Variants in IRAG1 observed in about 807,000 individuals in gnomAD.
IRAG1 encodes IP3R-associated cGMP kinase substrate.
Under a neutral mutation model 106.2 loss-of-function variants are expected in IRAG1, and 62 were observed. That is an observed-to-expected ratio of 0.58 (90% confidence interval 0.48 to 0.72). The LOEUF is 0.72. Ranked by LOEUF, IRAG1 falls within the 30% of genes least tolerant of loss-of-function variation. The pLI is 0.00. For missense variants in IRAG1, 1,064 were observed against 1,140.7 expected, an observed-to-expected ratio of 0.93 and a Z score of 0.97; for synonymous variants, 462 against 443.9, an observed-to-expected ratio of 1.04 and a Z score of -0.51.
chr11:10,602,312 CATA>C (rs1854099876), intron 14 of IRAG1, among the ~76,000 whole-genome samples: 1 of 152,238 alleles, frequency 6.6e-6, no homozygotes, highest in Admixed American at 6.5e-5. Context: ...GTCATAGCAA[CATA>C]ATAACAACAT....
intron 12 of IRAG1, among the ~76,000 whole-genome samples, 172 bp from the exon 13 acceptor site, chr11:10,604,717 A>G (rs1402240848): frequency 6.6e-6 from 1 of 152,254 alleles, no homozygotes; most frequent in Non-Finnish European, 1.5e-5. Flanking sequence ...CACAAAAAAG[A>G]TGGTAAAGCA....
At chr11:10,676,857 G>A (rs78895861) in intron 1 of IRAG1, among the ~76,000 whole-genome samples, 3,943 of 152,350 alleles carry the variant, frequency 0.026, 195 homozygotes, top group African/African-American at 0.09. Context: ...TATGTTTGGA[G>A]GTTCACCCTT....
At position 10,630,258 on chromosome 11, in the gene IRAG1, T is replaced by C. The variant is rs188170825; in HGVS notation, c.401-547A>G. ...GATCACAGGAGTCACTCCCCACTTC[T>C]CCCTCTTCCTCCCTCCCCCAACATC... On this transcript the variant is annotated intron_variant, in intron 4 of 20. Coordinates refer to ENST00000423302, the MANE Select transcript of IRAG1 (RefSeq NM_130385.4). 3.0e-3 allele frequency among the ~76,000 whole-genome samples: 463 copies of C among 151,948 alleles called. 3 individuals carry two copies. The highest frequency in any genetic ancestry group is 0.01 in the African/African-American group (420 of 41,402).
rs1564914109 is a variant in IRAG1, at chr11:10,626,005, C to T, written c.1329G>A (p.Val443=). 2 of 1,505,146 alleles carry T rather than the reference C, an allele frequency of 1.3e-6. No individual in the cohort carries two copies. The highest frequency in any genetic ancestry group is 8.9e-7 in the Non-Finnish European group (1 of 1,127,162). 93.2% of individuals were successfully genotyped at this position (1,505,146 alleles called of 1,614,324 possible). ...APGLKDFQIQ[V]QPVRMQKLTK... The stretch of plus-strand genomic sequence containing the variant: ...TCAGTTTCTGCATCCGCACGGGCTG[C>T]ACTTGTATCTGAAAGTCTTTGAGAC... Residue 443 remains valine (V), a synonymous_variant, in exon 9 of 21, where the codon GTG becomes GTA. Coordinates refer to ENST00000423302, the MANE Select transcript of IRAG1 (RefSeq NM_130385.4).
At position 10,594,172 on chromosome 11, in the gene IRAG1, G is replaced by C. The variant is rs376790854; in HGVS notation, c.2041C>G (p.Arg681Gly). Residue 681 changes from arginine to glycine, a missense_variant, in exon 16 of 21, where the codon CGG (arginine) becomes GGG (glycine). Coordinates refer to ENST00000423302, the MANE Select transcript of IRAG1 (RefSeq NM_130385.4). Reference protein sequence around the residue: ...PSEDGVPRTARSMSLTLGKNM... With the variant: ...PSEDGVPRTAGSMSLTLGKNM... ...TTTCCCAGCGTGAGGGACATGGACCGTGCCGTGCGAGGGACCCCATCTTCT... is the reference window on the plus strand; with the variant it reads ...TTTCCCAGCGTGAGGGACATGGACCCTGCCGTGCGAGGGACCCCATCTTCT... 3 of 1,610,070 alleles carry C rather than the reference G, an allele frequency of 1.9e-6. No individual in the cohort carries two copies. Among genetic ancestry groups the C allele is most frequent in the Admixed American group, 3.4e-5 (2 of 59,514 alleles).
chr11:10,596,897 C>T lies in IRAG1; in HGVS notation c.2018-2702G>A, dbSNP rs534422418. ...AGGAAGATGTGATTTGCTTATGCTA[C>T]ATGCTCATTTACTTCCAAGTCTGCA... On this transcript the variant is annotated intron_variant, in intron 15 of 20. Transcript: ENST00000423302. 1.1e-4 allele frequency among the ~76,000 whole-genome samples: 16 copies of T among 152,342 alleles called. No individual in the cohort carries two copies. In the Middle Eastern group the frequency reaches 0.01, roughly 97 times the overall value.
chr11:10,641,091 C>T (rs1036373798), intron 2 of IRAG1, among the ~76,000 whole-genome samples: 3 of 152,124 alleles, frequency 2.0e-5, no homozygotes, highest in Non-Finnish European at 4.4e-5. Flanking sequence ...CCAGGCTGGT[C>T]TCAAATTTCT....
intron 17 of IRAG1, among the ~76,000 whole-genome samples, chr11:10,592,866 C>T (rs974913449): frequency 2.0e-5 from 3 of 152,174 alleles, no homozygotes; most frequent in African/African-American, 7.2e-5. Flanking sequence ...CACAGAAACA[C>T]ACTCTTTTAA....
At chr11:10,606,239 C>T (rs1456361540) in intron 12 of IRAG1, among the ~76,000 whole-genome samples, 2 of 152,154 alleles carry the variant, frequency 1.3e-5, no homozygotes, top group African/African-American at 2.4e-5. Flanking sequence ...CTCACAACCC[C>T]GCTGGGACAA....
chr11:10,584,626 A>G (rs1329882732), intron 18 of IRAG1, among the ~76,000 whole-genome samples: 1 of 143,784 alleles, frequency 7.0e-6, no homozygotes, highest in East Asian at 2.0e-4. Flanking sequence ...TTTATATACA[A>G]CTGTCAGCCT....
intron 10 of IRAG1, among the ~76,000 whole-genome samples, chr11:10,618,651 G>A (rs1265191674): frequency 2.0e-5 from 3 of 152,184 alleles, no homozygotes. Context: ...AGATTGAGTT[G>A]GGAGTTCATT....
At chr11:10,676,127 A>T (rs1860637663) in intron 1 of IRAG1, among the ~76,000 whole-genome samples, 1 of 152,234 alleles carries the variant, frequency 6.6e-6, no homozygotes, top group African/African-American at 2.4e-5. Flanking sequence ...CTTAGCTGTG[A>T]TGCTCGTACT....
intron 10 of IRAG1, among the ~76,000 whole-genome samples, chr11:10,611,094 C>G (rs1854920088): frequency 6.6e-6 from 1 of 152,128 alleles, no homozygotes; most frequent in Admixed American, 6.6e-5. Context: ...TCTAGTTTGG[C>G]TCAAGGTAAA....
At chr11:10,591,465 GA>G (rs1197932012) in intron 18 of IRAG1, 82 bp downstream of exon 18, 1 of 1,223,548 alleles carries the variant, frequency 8.2e-7, no homozygotes, top group African/African-American at 1.5e-5. Context: ...GCATTTTGGG[GA>G]TAAAAATGGG....
rs373962690 is a variant in IRAG1 at position 10,603,148 on chromosome 11, C to A, written c.1847G>T (p.Arg616Leu). 1.2e-6 allele frequency: 2 copies of A among 1,611,112 alleles called. No homozygotes were observed. The highest frequency in any genetic ancestry group is 1.7e-6 in the Non-Finnish European group (2 of 1,178,934). ...GCGGACGGCGCCTACCACCTCAGCT[C>A]GGCTGGAGAGGCGGGCAGCCAGGCG... The part of the protein sequence containing the change: ...LHRLAARLSS[R>L]AEVVGAVRQE... The change falls in exon 14 of 21, where the codon CGA (arginine) becomes CTA (leucine). Residue 616 changes from arginine to leucine, a missense_variant. By Grantham distance (102) the Arg-to-Leu change is moderately radical (BLOSUM62 -2). Coordinates refer to ENST00000423302, the MANE Select transcript of IRAG1 (RefSeq NM_130385.4).
intron 18 of IRAG1, among the ~76,000 whole-genome samples, chr11:10,583,813 T>C (rs1364739): frequency 0.092 from 13,929 of 152,172 alleles, 801 homozygotes; most frequent in Admixed American, 0.14. Context: ...GATGAAGTTG[T>C]TGGGCTGGAG....
At chr11:10,616,849 C>T (rs931387268) in intron 10 of IRAG1, among the ~76,000 whole-genome samples, 1 of 152,084 alleles carries the variant, frequency 6.6e-6, no homozygotes, top group African/African-American at 2.4e-5. Flanking sequence ...TGAACATAAG[C>T]CACTTTCAAC....
In IRAG1 at chr11:10,647,602, A is replaced by G. The variant is rs1337113033; in HGVS notation, c.225+4423T>C. On this transcript the variant is annotated intron_variant, in intron 2 of 20. Transcript: ENST00000423302. The surrounding 1 kb of genome is among the most constrained non-coding windows in gnomAD (Gnocchi z 4.3). ...GTTCAGGTGGAAGCTAGAGCCGGTG[A>G]AAATTGGGCTCTTACAGCTAACATG... is the stretch of plus-strand genomic sequence containing the variant. Among the ~76,000 whole-genome samples the G allele has an allele frequency of 2.0e-5, 3 of 152,138 alleles. No individual in the cohort carries two copies. The highest frequency in any genetic ancestry group is 4.8e-5 in the African/African-American group (2 of 41,422).
At chr11:10,667,046 A>T (rs1425512832) in intron 1 of IRAG1, among the ~76,000 whole-genome samples, 1 of 152,170 alleles carries the variant, frequency 6.6e-6, no homozygotes, top group Non-Finnish European at 1.5e-5. Context: ...CTAGTTATAA[A>T]ATGATTTTTT....
Sources: gnomAD v4.1 joint callset for allele counts (sites outside exome capture counted in the v4.1 genomes callset) on GRCh38, gnomAD v4.1.1 for gene constraint, Gnocchi (gnomAD v3.1) non-coding constraint, MANE v1.5 for transcripts, NCBI Gene and HGNC (gene_info 2026-07-23, HGNC 2026-07-21) for gene names.